Variants in WDR27 observed in about 807,000 individuals in gnomAD.
WDR27 encodes the protein WD repeat-containing protein 27.
Under a neutral mutation model 114.4 loss-of-function variants are expected in WDR27, and 100 were observed. The ratio of observed to expected loss-of-function variants is 0.87; its 90% CI spans 0.74 to 1.03. WDR27 has a LOEUF of 1.03. Among genes scored for constraint, WDR27 ranks in the 50% least tolerant of loss-of-function variants. The pLI is 0.00. For synonymous variants in WDR27, 449 were observed against 423.1 expected (o/e 1.06, Z -0.75); for missense variants, 1,129 against 1,092.9 (o/e 1.03, Z -0.47).
intron 22 of WDR27, among the ~76,000 whole-genome samples, chr6:169,603,990 T>C (rs1808599592): frequency 1.3e-5 from 2 of 152,120 alleles, no homozygotes; most frequent in African/African-American, 4.8e-5. Flanking sequence ...TACCATCAAA[T>C]GCCTATACCA....
chr6:169,663,004 G>A (rs1376104284), intron 8 of WDR27, among the ~76,000 whole-genome samples: 3 of 149,210 alleles, frequency 2.0e-5, no homozygotes, highest in African/African-American at 7.4e-5. Flanking sequence ...GGAGTCACTC[G>A]GATCACGCGT....
intron 25 of WDR27, among the ~76,000 whole-genome samples, chr6:169,481,222 G>C (rs1388376634): frequency 6.6e-6 from 1 of 152,052 alleles, no homozygotes; most frequent in African/African-American, 2.4e-5. Context: ...CTAGCCAGAG[G>C]ATTGTAAATG....
intron 25 of WDR27, among the ~76,000 whole-genome samples, chr6:169,479,545 T>A (rs780335675): frequency 1.3e-5 from 2 of 152,212 alleles, no homozygotes; most frequent in African/African-American, 2.4e-5. Flanking sequence ...AGATTTTATA[T>A]GGTGACAGTC....
chr6:169,665,184 A>G, intron 7 of WDR27: 1 of 1,121,942 alleles, frequency 8.9e-7, no homozygotes, highest in Non-Finnish European at 1.1e-6. Flanking sequence ...GTCTGCTCAC[A>G]GCCCTCTTCT....
At chr6:169,478,626 T>C (rs2115369064) in intron 25 of WDR27, among the ~76,000 whole-genome samples, 1 of 151,944 alleles carries the variant, frequency 6.6e-6, no homozygotes, top group East Asian at 1.9e-4. Context: ...AAAGCAATCT[T>C]AAAAAGCAAT....
chr6:169,520,620 G>A (rs1794256659), intron 25 of WDR27, among the ~76,000 whole-genome samples: 1 of 152,070 alleles, frequency 6.6e-6, no homozygotes, highest in Non-Finnish European at 1.5e-5. Flanking sequence ...CAAAGTAGCA[G>A]TTTTAAGGAA....
At chr6:169,609,355 C>G (rs755033978) in intron 22 of WDR27, among the ~76,000 whole-genome samples, 1 of 152,178 alleles carries the variant, frequency 6.6e-6, no homozygotes, top group Non-Finnish European at 1.5e-5. Context: ...GAGCCCCACC[C>G]CTACAGAAAA....
chr6:169,593,238 G>C (rs1389035377), intron 23 of WDR27, among the ~76,000 whole-genome samples: 1 of 151,716 alleles, frequency 6.6e-6, no homozygotes, highest in Non-Finnish European at 1.5e-5. Flanking sequence ...AAAATCCCCT[G>C]AGAAAGCACA....
Position 169,701,914 on chromosome 6 carries a change from G to A in WDR27, c.-371C>T, listed in dbSNP as rs1000127001. On this transcript the variant is annotated 5_prime_UTR_variant, in exon 1 of 26. Transcript: ENST00000448612. ...CCGCGCCGAGACCAGCCCGCTAGGGGAGGACTCACAGCACCCAGCTCCCAG... is the reference window on the plus strand; with the variant it reads ...CCGCGCCGAGACCAGCCCGCTAGGGAAGGACTCACAGCACCCAGCTCCCAG... The A allele has an allele frequency of 2.1e-4, 74 of 346,240 alleles. 2 individuals are homozygous for A. The highest frequency in any genetic ancestry group is 7.9e-4 in the South Asian group (38 of 48,186). 21.4% of individuals were successfully genotyped at this position (346,240 alleles called of 1,614,324 possible).
chr6:169,660,570 C>A (rs555772568), intron 10 of WDR27, 93 bp downstream of exon 10: 15 of 1,033,316 alleles, frequency 1.5e-5, no homozygotes, highest in East Asian at 4.8e-5. Context: ...CAGATTCACA[C>A]GGCAAGGCCT....
intron 2 of WDR27, among the ~76,000 whole-genome samples, chr6:169,683,737 G>A (rs1782163946): frequency 6.6e-6 from 1 of 152,126 alleles, no homozygotes; most frequent in Non-Finnish European, 1.5e-5. Flanking sequence ...CCCCCTGCAA[G>A]GAAAAGGTAA....
the WDR27 span, among the ~76,000 whole-genome samples, chr6:169,439,133 T>C: frequency 6.6e-6 from 1 of 152,210 alleles, no homozygotes; most frequent in African/African-American, 2.4e-5. Flanking sequence ...CCATGATGCT[T>C]ATTCGATGGG....
intron 2 of WDR27, among the ~76,000 whole-genome samples, chr6:169,680,635 T>C (rs1364292588): frequency 6.6e-6 from 1 of 152,200 alleles, no homozygotes; most frequent in Non-Finnish European, 1.5e-5. Context: ...AAAAGATCCC[T>C]GAATGTTTAA....
At chr6:169,460,585 C>T (rs760550252) in intron 25 of WDR27, among the ~76,000 whole-genome samples, 3 of 152,050 alleles carry the variant, frequency 2.0e-5, no homozygotes, top group East Asian at 3.9e-4. Context: ...TTAAGTCCCT[C>T]GTCATCAGTA....
chr6:169,664,305 T>C lies in WDR27; in HGVS notation c.784-19A>G, dbSNP rs1397883064. Reference sequence around the variant, plus strand: ...TCCAAAGCTACAAAAGCAAAGAAGATGCAGACATGGCGCTGCAGCAAGGGT... The same window carrying C: ...TCCAAAGCTACAAAAGCAAAGAAGACGCAGACATGGCGCTGCAGCAAGGGT... On this transcript the variant is annotated intron_variant, in intron 7 of 25. Transcript: ENST00000448612. 5.6e-6 allele frequency: 9 copies of C among 1,613,578 alleles called. No individual in the cohort carries two copies. Among genetic ancestry groups the C allele is most frequent in the Non-Finnish European group, 7.6e-6 (9 of 1,179,832 alleles).
At chr6:169,533,181 G>A (rs1353753750) in intron 25 of WDR27, among the ~76,000 whole-genome samples, 1 of 151,972 alleles carries the variant, frequency 6.6e-6, no homozygotes, top group Admixed American at 6.6e-5. Context: ...AAGGGAGGTA[G>A]TGGAGCTCAG....
At chr6:169,600,515 C>T (rs932279539) in intron 23 of WDR27, among the ~76,000 whole-genome samples, 3 of 152,136 alleles carry the variant, frequency 2.0e-5, no homozygotes, top group African/African-American at 4.8e-5. Flanking sequence ...CAAACTACTC[C>T]GAGCTAAAGG....
chr6:169,655,850 G>A (rs1355212025), intron 13 of WDR27, among the ~76,000 whole-genome samples: 1 of 152,196 alleles, frequency 6.6e-6, no homozygotes, highest in Non-Finnish European at 1.5e-5. Context: ...CTCCTGAGTA[G>A]CTGGGACTAC....
intron 14 of WDR27, among the ~76,000 whole-genome samples, chr6:169,651,394 T>G (rs1220951428): frequency 1.3e-5 from 2 of 151,920 alleles, no homozygotes; most frequent in Non-Finnish European, 2.9e-5. Context: ...TTCAGAAAAG[T>G]CACATTTGCC....
Sources: allele counts gnomAD v4.1 joint callset (sites outside exome capture counted in the v4.1 genomes callset), GRCh38; gene constraint gnomAD v4.1.1; transcripts MANE v1.5; gene names NCBI Gene and HGNC (gene_info 2026-07-23, HGNC 2026-07-21).